The following MVB12B variants were observed in gnomAD, a reference collection of about 807,000 sequenced individuals.
MVB12B encodes the protein ESCRT-I complex subunit MVB12B.
A neutral mutation model predicts 41.6 loss-of-function variants in MVB12B; 16 were observed. That is an observed-to-expected ratio of 0.38 (90% CI 0.26 to 0.58). MVB12B has a LOEUF of 0.58. MVB12B is among the 20% of genes least tolerant of loss of function. The pLI is 0.62. For synonymous variants in MVB12B, 133 were observed against 139.7 expected (o/e 0.95, Z 0.34); for missense variants, 274 against 380.2 (o/e 0.72, Z 2.32).
rs59351216 is a variant in MVB12B, at chr9:126,505,654, CTGTGTGTGTGTGTG to C, written c.*2403_*2416del. 8 of 140,666 alleles carry C rather than the reference CTGTGTGTGTGTGTG, an allele frequency of 5.7e-5. No homozygotes were observed. 8.7% of individuals were successfully genotyped at this position (140,666 alleles called of 1,614,324 possible). On this transcript the variant is annotated 3_prime_UTR_variant, in exon 10 of 10. Coordinates refer to ENST00000361171, the MANE Select transcript of MVB12B (RefSeq NM_033446.3). The stretch of plus-strand genomic sequence containing the variant: ...GAGGTGGGTGAGGACAAGCATGTGC[CTGTGTGTGTGTGTG>C]TGTGTGTGTGTATATGTGTGTGTGT...
At chr9:126,382,355 T>G (rs1277288960) in intron 3 of MVB12B, among the ~76,000 whole-genome samples, 1 of 152,236 alleles carries the variant, frequency 6.6e-6, no homozygotes, top group Admixed American at 6.5e-5. Context: ...TATACAGGAC[T>G]GGGAGAAAAG....
rs780026856 is a variant in MVB12B at position 126,386,684 on chromosome 9, T to A, written c.409+26T>A. ...GTGAGTCATCCTTTAGTAGCACTCA[T>A]CACAATGAGCGTTTTCTTCCTCCAG... On this transcript the variant is annotated intron_variant, in intron 4 of 9. Coordinates refer to ENST00000361171, the MANE Select transcript of MVB12B (RefSeq NM_033446.3). This position sits in a 1 kb window ranked among gnomAD's most constrained non-coding sequence, Gnocchi z 4.3. The A allele has an allele frequency of 5.3e-6, 8 of 1,498,588 alleles. No homozygotes were observed. The allele number at this position is 1,498,588 out of a possible 1,614,324, so 92.8% of individuals were successfully genotyped here.
At chr9:126,450,135 A>G (rs10739674) in intron 7 of MVB12B, among the ~76,000 whole-genome samples, 134,826 of 152,302 alleles carry the variant, frequency 0.89, 59,778 homozygotes, top group East Asian at 1. Flanking sequence ...GGTCTCGCCT[A>G]TGCCCAAAGC....
chr9:126,473,063 G>T lies in MVB12B; in HGVS notation c.758-8306G>T, dbSNP rs1041163251. Among the ~76,000 whole-genome samples, 7 of 152,160 alleles carry T rather than the reference G, an allele frequency of 4.6e-5. No individual in the cohort carries two copies. Among genetic ancestry groups the T allele is most frequent in the African/African-American group, 1.4e-4 (6 of 41,414 alleles). On this transcript the variant is annotated intron_variant, in intron 7 of 9. Coordinates refer to ENST00000361171, the MANE Select transcript of MVB12B (RefSeq NM_033446.3). The surrounding 1 kb of genome is among the most constrained non-coding windows in gnomAD (Gnocchi z 4.0). ...GCTTTTGGTAAGAGCAGAAGCCAGG[G>T]TTAGGTGACCAGCCCTCCCTACGTG...
At chr9:126,446,408 T>A (rs1256283843) in intron 7 of MVB12B, among the ~76,000 whole-genome samples, 1 of 151,922 alleles carries the variant, frequency 6.6e-6, no homozygotes, top group Non-Finnish European at 1.5e-5. Flanking sequence ...ATTAGGCTTT[T>A]TGCTTATCAA....
At chr9:126,432,216 G>A (rs949958276) in intron 7 of MVB12B, among the ~76,000 whole-genome samples, 4 of 152,168 alleles carry the variant, frequency 2.6e-5, no homozygotes, top group South Asian at 2.1e-4. Context: ...ATTTCCCCCT[G>A]ATAATTCCCT....
At chr9:126,467,110 A>C (rs866572702) in intron 7 of MVB12B, among the ~76,000 whole-genome samples, 2 of 152,196 alleles carry the variant, frequency 1.3e-5, no homozygotes, top group African/African-American at 2.4e-5. Context: ...CTGGAATTAC[A>C]GATGAGAGCC....
intron 4 of MVB12B, among the ~76,000 whole-genome samples, chr9:126,387,666 A>AT (rs1477239209): frequency 3.3e-4 from 50 of 152,146 alleles, no homozygotes; most frequent in African/African-American, 1.1e-3. Flanking sequence ...GTCATTTATT[A>AT]TTTTATGTAT....
chr9:126,365,453 C>T (rs1394419714), intron 2 of MVB12B, among the ~76,000 whole-genome samples: 1 of 151,896 alleles, frequency 6.6e-6, no homozygotes, highest in East Asian at 1.9e-4. Flanking sequence ...CTGTCTCAGC[C>T]TCCCGAGTAG....
intron 6 of MVB12B, among the ~76,000 whole-genome samples, chr9:126,417,024 T>C (rs1051488462): frequency 6.6e-6 from 1 of 152,214 alleles, no homozygotes; most frequent in African/African-American, 2.4e-5. Context: ...TCATTCTCAT[T>C]AATGGGAAGC....
In MVB12B at chr9:126,434,632, G is replaced by A. The variant is rs543445251; in HGVS notation, c.757+12684G>A. Among the ~76,000 whole-genome samples, 293 of 152,300 alleles carry A rather than the reference G, an allele frequency of 1.9e-3. 1 individual carries two copies. Among genetic ancestry groups the A allele is most frequent in the African/African-American group, 6.9e-3 (288 of 41,562 alleles). ...TGTGTGTTTACCTGAAATATGCCCT[G>A]TGTAGCAAAACGCCAGTTTCACTCC... On this transcript the variant is annotated intron_variant, in intron 7 of 9. Transcript: ENST00000361171.
intron 5 of MVB12B, among the ~76,000 whole-genome samples, chr9:126,393,284 G>A (rs1564306441): frequency 6.6e-6 from 1 of 152,202 alleles, no homozygotes; most frequent in African/African-American, 2.4e-5. Flanking sequence ...CTTGAAGGCC[G>A]GCACTGGGTT....
chr9:126,353,918 C>T lies in MVB12B; in HGVS notation c.204+13288C>T, dbSNP rs187894139. ...TTTTAAATTTCAGTAATTACTATAC[C>T]AGGTAGCTTTTCAAAAATACTTCAC... On this transcript the variant is annotated intron_variant, in intron 2 of 9. Coordinates refer to ENST00000361171, the MANE Select transcript of MVB12B (RefSeq NM_033446.3). Among the ~76,000 whole-genome samples, 536 of 152,192 alleles carry T rather than the reference C, an allele frequency of 3.5e-3. 1 individual carries two copies. The highest frequency in any genetic ancestry group is 4.9e-3 in the Non-Finnish European group (331 of 68,026).
chr9:126,340,824 G>A lies in MVB12B; in HGVS notation c.204+194G>A, dbSNP rs1243377282. On this transcript the variant is annotated intron_variant, in intron 2 of 9. Coordinates refer to ENST00000361171, the MANE Select transcript of MVB12B (RefSeq NM_033446.3). The surrounding 1 kb of genome is among the most constrained non-coding windows in gnomAD (Gnocchi z 4.0). ...CCCATCTGGGCCGTTTCCTGGCCTT[G>A]ACCACCTCTGTGATGGTCATTTTCA... 6.6e-6 allele frequency among the ~76,000 whole-genome samples: 1 copy of A among 152,192 alleles called. No individual in the cohort carries two copies. Among genetic ancestry groups the A allele is most frequent in the Non-Finnish European group, 1.5e-5 (1 of 68,032 alleles).
At chr9:126,466,379 C>A (rs553737426) in intron 7 of MVB12B, among the ~76,000 whole-genome samples, 1 of 152,326 alleles carries the variant, frequency 6.6e-6, no homozygotes, top group East Asian at 1.9e-4. Flanking sequence ...TACGTCTCTG[C>A]TGGTGTCATA....
chr9:126,409,114 G>GT (rs924717764), intron 6 of MVB12B, among the ~76,000 whole-genome samples: 2 of 147,744 alleles, frequency 1.4e-5, no homozygotes, highest in Admixed American at 6.9e-5. Flanking sequence ...GACTTCCATT[G>GT]TGGGGGGGGG....
intron 1 of MVB12B, chr9:126,335,158 C>T: frequency 9.7e-7 from 1 of 1,036,060 alleles, no homozygotes. Flanking sequence ...AACAACTTAG[C>T]AGCCCTCCTA....
At chr9:126,418,924 G>T (rs1054397705) in intron 6 of MVB12B, among the ~76,000 whole-genome samples, 1 of 152,128 alleles carries the variant, frequency 6.6e-6, no homozygotes, top group Non-Finnish European at 1.5e-5. Context: ...CAAGTGTTCA[G>T]GTAACTTTAT....
At chr9:126,455,542 T>C (rs1588186726) in intron 7 of MVB12B, among the ~76,000 whole-genome samples, 1 of 152,276 alleles carries the variant, frequency 6.6e-6, no homozygotes, top group South Asian at 2.1e-4. Flanking sequence ...TGGAGTGCAG[T>C]GGCAAGATCA....
Sources: gnomAD v4.1 joint callset for allele counts (sites outside exome capture counted in the v4.1 genomes callset) on GRCh38, gnomAD v4.1.1 for gene constraint, Gnocchi (gnomAD v3.1) non-coding constraint, MANE v1.5 for transcripts, NCBI Gene and HGNC (gene_info 2026-07-23, HGNC 2026-07-21) for gene names.